Variants in KCNH7 observed in about 807,000 individuals in gnomAD.
KCNH7 encodes the protein voltage-gated inwardly rectifying potassium channel KCNH7.
In KCNH7, 49 loss-of-function variants were observed where a neutral mutation model predicts 120.8. The observed-to-expected ratio is 0.41, with a 90% confidence interval of 0.32 to 0.51. The LOEUF (loss-of-function observed/expected upper bound fraction) is 0.51. Among genes scored for constraint, KCNH7 ranks in the 20% least tolerant of loss-of-function variants. The pLI, the probability that KCNH7 is intolerant of heterozygous loss-of-function variation, is 0.38. For synonymous variants in KCNH7, 547 were observed against 516.1 expected (o/e 1.06, Z -0.81); for missense variants, 1,097 against 1,446.6 (o/e 0.76, Z 3.92).
chr2:162,707,187 T>C (rs1175204524), intron 2 of KCNH7, among the ~76,000 whole-genome samples: 1 of 152,130 alleles, frequency 6.6e-6, no homozygotes, highest in Non-Finnish European at 1.5e-5. Flanking sequence ...GTTTAGTTTT[T>C]TAAAAAAATC....
chr2:162,529,034 G>A (rs1382320969), intron 3 of KCNH7, among the ~76,000 whole-genome samples: 2 of 151,944 alleles, frequency 1.3e-5, no homozygotes, highest in Non-Finnish European at 2.9e-5. Flanking sequence ...ATGGATGGTA[G>A]CTGAAGATGG....
intron 2 of KCNH7, among the ~76,000 whole-genome samples, chr2:162,608,807 A>C (rs570881807): frequency 2.0e-5 from 3 of 152,094 alleles, no homozygotes; most frequent in Non-Finnish European, 4.4e-5. Flanking sequence ...CTGGCAATTC[A>C]CTTATTTTCT....
intron 3 of KCNH7, among the ~76,000 whole-genome samples, chr2:162,533,191 G>A (rs771494261): frequency 4.0e-5 from 6 of 151,550 alleles, no homozygotes; most frequent in African/African-American, 1.5e-4. Context: ...AAAAAACCCC[G>A]AAACCAGAAT....
intron 2 of KCNH7, among the ~76,000 whole-genome samples, chr2:162,752,900 C>CAGAAAAAAGAAAAGAAAAGAAA (rs1559115994): frequency 1.0e-3 from 7 of 6,922 alleles, no homozygotes; most frequent in Non-Finnish European, 8.9e-3. Flanking sequence ...GACTACATCT[C>CAGAAAAAAGAAAAGAAAAGAAA]AGAAAAAGAA....
At chr2:162,442,268 C>T (rs1054185907) in intron 7 of KCNH7, among the ~76,000 whole-genome samples, 2 of 151,442 alleles carry the variant, frequency 1.3e-5, no homozygotes, top group Non-Finnish European at 2.9e-5. Flanking sequence ...CCTCATGATC[C>T]GCCAGTCTTG....
chr2:162,602,770 G>A (rs1489000806), intron 2 of KCNH7, among the ~76,000 whole-genome samples: 2 of 151,746 alleles, frequency 1.3e-5, no homozygotes, highest in African/African-American at 4.8e-5. Flanking sequence ...ATAAACAGAG[G>A]CCAGTAAAGG....
chr2:162,766,937 G>A (rs991606658), intron 2 of KCNH7, among the ~76,000 whole-genome samples: 1 of 150,840 alleles, frequency 6.6e-6, no homozygotes, highest in African/African-American at 2.4e-5. Flanking sequence ...TCTACACAAA[G>A]AGTAGAATGC....
intron 2 of KCNH7, among the ~76,000 whole-genome samples, chr2:162,658,240 A>G (rs10188357): frequency 0.23 from 34,122 of 151,388 alleles, 6,039 homozygotes; most frequent in African/African-American, 0.49. Context: ...ATCATTTGTC[A>G]AAAAGACAAT....
intron 2 of KCNH7, among the ~76,000 whole-genome samples, chr2:162,701,094 T>A (rs1686481190): frequency 6.6e-6 from 1 of 152,130 alleles, no homozygotes; most frequent in South Asian, 2.1e-4. Context: ...ACTATTATAG[T>A]ACAGTCAATG....
In KCNH7 at chr2:162,371,907, C is replaced by T. The variant is rs1300219238; in HGVS notation, c.3513G>A (p.Leu1171=). The T allele has an allele frequency of 1.9e-6, 3 of 1,613,688 alleles. No individual in the cohort carries two copies. The East Asian group carries it at 6.7e-5, about 36-fold the overall frequency. Residue 1171 remains leucine (L), a synonymous_variant, in exon 16 of 16, where the codon TTG becomes TTA. Coordinates refer to ENST00000332142, the MANE Select transcript of KCNH7 (RefSeq NM_033272.4). The part of the protein sequence containing the change: ...TYVHPIRHPS[L]PDSSLSTVGI... ...CTACAGTGCTTAGGGATGAATCTGG[C>T]AAAGAAGGATGCCTAATTGGATGAA...
intron 2 of KCNH7, among the ~76,000 whole-genome samples, chr2:162,735,791 CTCTT>C (rs1038427290): frequency 6.6e-4 from 100 of 152,312 alleles, no homozygotes; most frequent in African/African-American, 2.3e-3. Flanking sequence ...GATTATTAAA[CTCTT>C]TCTTTATTAC....
chr2:162,605,425 C>T (rs1308716589), intron 2 of KCNH7, among the ~76,000 whole-genome samples: 2 of 152,064 alleles, frequency 1.3e-5, no homozygotes, highest in Non-Finnish European at 2.9e-5. Flanking sequence ...ACAAGATAAA[C>T]CATTTCAGAG....
At chr2:162,408,802 A>G (rs1687303419) in intron 9 of KCNH7, among the ~76,000 whole-genome samples, 1 of 151,984 alleles carries the variant, frequency 6.6e-6, no homozygotes, top group South Asian at 2.1e-4. Flanking sequence ...TTATAATCCA[A>G]GAAATAAGGA....
chr2:162,521,988 C>T (rs920093751), intron 3 of KCNH7, among the ~76,000 whole-genome samples: 3 of 151,796 alleles, frequency 2.0e-5, no homozygotes, highest in Non-Finnish European at 2.9e-5. Flanking sequence ...AATGTGCAGA[C>T]AAACCACGAG....
At chr2:162,766,702 T>C (rs1682823092) in intron 2 of KCNH7, among the ~76,000 whole-genome samples, 1 of 152,140 alleles carries the variant, frequency 6.6e-6, no homozygotes, top group Non-Finnish European at 1.5e-5. Flanking sequence ...TCCAGGGATT[T>C]TCATATGGGC....
At chr2:162,478,166 G>A (rs976265384) in intron 6 of KCNH7, among the ~76,000 whole-genome samples, 10 of 152,228 alleles carry the variant, frequency 6.6e-5, no homozygotes, top group South Asian at 2.1e-4. Context: ...CCATTAGACC[G>A]GGCCTTGGAA....
chr2:162,647,379 A>G (rs1684401475), intron 2 of KCNH7, among the ~76,000 whole-genome samples: 1 of 152,158 alleles, frequency 6.6e-6, no homozygotes, highest in Non-Finnish European at 1.5e-5. Context: ...CTTTCACAGT[A>G]TGTAGGATTA....
chr2:162,501,565 G>T (rs1024769082), intron 6 of KCNH7, among the ~76,000 whole-genome samples: 1 of 152,054 alleles, frequency 6.6e-6, no homozygotes, highest in Non-Finnish European at 1.5e-5. Context: ...ACAAACAAGA[G>T]AAATGTATTG....
chr2:162,541,911 G>A (rs568081024), intron 2 of KCNH7, among the ~76,000 whole-genome samples: 1 of 152,090 alleles, frequency 6.6e-6, no homozygotes, highest in Non-Finnish European at 1.5e-5. Context: ...ATTTCAAAAG[G>A]AGGACTTGAG....
Sources: gnomAD v4.1 joint callset for allele counts (sites outside exome capture counted in the v4.1 genomes callset) on GRCh38, gnomAD v4.1.1 for gene constraint, MANE v1.5 for transcripts, NCBI Gene and HGNC (gene_info 2026-07-23, HGNC 2026-07-21) for gene names.